Variants in PDE4B observed in about 807,000 individuals in gnomAD.
PDE4B encodes the protein phosphodiesterase 4B.
In PDE4B, 20 loss-of-function variants were observed where a neutral mutation model predicts 82.2. The observed-to-expected ratio is 0.24, with a 90% CI of 0.17 to 0.35. PDE4B has a LOEUF of 0.35. Among genes scored for constraint, PDE4B ranks in the 10% least tolerant of loss-of-function variants. The probability of loss-of-function intolerance (pLI) is 1.00; values close to 1 mark genes in which losing one functional copy is unlikely to be tolerated. For synonymous variants in PDE4B, 320 were observed against 318.9 expected (o/e 1.00, Z -0.04); for missense variants, 655 against 907.2 (o/e 0.72, Z 3.57).
chr1:66,269,014 G>A (rs1477325437), intron 7 of PDE4B, among the ~76,000 whole-genome samples: 1 of 152,194 alleles, frequency 6.6e-6, no homozygotes, highest in Non-Finnish European at 1.5e-5. Flanking sequence ...CACAGTAAGT[G>A]TTGAATTGAC....
chr1:65,985,604 C>G (rs1650914411), intron 3 of PDE4B, among the ~76,000 whole-genome samples: 1 of 152,092 alleles, frequency 6.6e-6, no homozygotes, highest in African/African-American at 2.4e-5. Context: ...TTAATATTAT[C>G]TTTGGGAACT....
intron 3 of PDE4B, among the ~76,000 whole-genome samples, chr1:66,184,969 C>A (rs1207328080): frequency 6.6e-6 from 1 of 152,076 alleles, no homozygotes; most frequent in Non-Finnish European, 1.5e-5. Flanking sequence ...AGGTATATCT[C>A]CTAATGCTAT....
Position 66,374,359 on chromosome 1 carries a change from A to G in PDE4B, c.*1681A>G, listed in dbSNP as rs1214636369. The G allele has an allele frequency of 1.3e-5, 2 of 152,666 alleles. No individual in the cohort carries two copies. The highest frequency in any genetic ancestry group is 4.8e-5 in the African/African-American group (2 of 41,458). 9.5% of individuals were successfully genotyped at this position (152,666 alleles called of 1,614,324 possible). A position where few individuals can be genotyped will look rare whatever the true frequency, so the allele number is the denominator to read the frequency against. On this transcript the variant is annotated 3_prime_UTR_variant, in exon 17 of 17. Transcript: ENST00000341517. ...AGTTTCAGTTTGTAAAATATGTTTCATGCTTTCAGTTCAGCATTGTGACTC... is the reference window on the plus strand; with the variant it reads ...AGTTTCAGTTTGTAAAATATGTTTCGTGCTTTCAGTTCAGCATTGTGACTC...
intron 3 of PDE4B, among the ~76,000 whole-genome samples, chr1:65,966,146 A>AC (rs1195714336): frequency 1.3e-5 from 2 of 152,082 alleles, no homozygotes; most frequent in African/African-American, 4.8e-5. Context: ...TATTTAGAAA[A>AC]CCCCATCATC....
intron 1 of PDE4B, among the ~76,000 whole-genome samples, chr1:65,906,406 A>C (rs11208765): frequency 0.44 from 66,397 of 151,912 alleles, 15,671 homozygotes; most frequent in South Asian, 0.67. Flanking sequence ...GAATACAGGG[A>C]TTTTTTTGTT....
chr1:66,332,259 G>A, intron 7 of PDE4B: 3 of 1,468,562 alleles, frequency 2.0e-6, no homozygotes, highest in Non-Finnish European at 2.7e-6. Context: ...GAAGTTTCTT[G>A]GTAGATCACC....
rs1557705932 is a variant in PDE4B, at chr1:66,332,549, T to A, written c.676T>A (p.Leu226Ile). Residue 226 changes from leucine to isoleucine, a missense_variant, in exon 8 of 17, where the codon TTA becomes ATA. This residue lies in a region of PDE4B where 253 missense variants were observed against 275.6 expected (regional missense o/e 0.92). Transcript: ENST00000341517. ...ATTAGCAATGGAAACGCTGGAGGAA[T>A]TAGACTGGTGTTTAGACCAGCTAGA... ...QKLAMETLEE[L>I]DWCLDQLETI... is the part of the protein sequence containing the mutation. 6.2e-7 allele frequency: 1 copy of A among 1,614,156 alleles called. No homozygotes were observed. Among genetic ancestry groups the A allele is most frequent in the African/African-American group, 1.3e-5 (1 of 75,068 alleles).
rs1655169881 is a variant in PDE4B at position 66,053,910 on chromosome 1, A to G, written c.281+135075A>G. ...AGGAATGGGATGCAGCCTAAGTAGG[A>G]TGACCAACTATCCTGGTTTGCTCAA... On this transcript the variant is annotated intron_variant, in intron 3 of 16. Transcript: ENST00000341517. 5.3e-5 allele frequency among the ~76,000 whole-genome samples: 8 copies of G among 152,266 alleles called. 1 individual carries two copies. In the South Asian group the frequency reaches 1.7e-3, roughly 32 times the overall value.
intron 3 of PDE4B, among the ~76,000 whole-genome samples, chr1:66,056,200 T>C (rs1040601741): frequency 6.6e-6 from 1 of 152,204 alleles, no homozygotes; most frequent in Non-Finnish European, 1.5e-5. Flanking sequence ...AAATGTTTCA[T>C]TTTAATTTCA....
At chr1:66,199,159 A>G (rs997601447) in intron 3 of PDE4B, among the ~76,000 whole-genome samples, 5 of 151,756 alleles carry the variant, frequency 3.3e-5, no homozygotes, top group African/African-American at 1.2e-4. Flanking sequence ...TGGTATTTCT[A>G]GTTCTAGATC....
intron 7 of PDE4B, among the ~76,000 whole-genome samples, chr1:66,296,353 G>A (rs1477900955): frequency 6.6e-6 from 1 of 152,118 alleles, no homozygotes; most frequent in Non-Finnish European, 1.5e-5. Flanking sequence ...GTCTGTTTAC[G>A]ATAAACAAGA....
rs144986707 is a variant in PDE4B at position 66,190,932 on chromosome 1, C to T, written c.282-56528C>T. Reference sequence around the variant, plus strand: ...AATCACCCGTCTTCTGCGTCACTCACGCTGGGAGCTGTAGACTGGAGCTGT... The same window carrying T: ...AATCACCCGTCTTCTGCGTCACTCATGCTGGGAGCTGTAGACTGGAGCTGT... On this transcript the variant is annotated intron_variant, in intron 3 of 16. Transcript: ENST00000341517. Among the ~76,000 whole-genome samples the T allele has an allele frequency of 9.3e-3, 1,414 of 152,236 alleles. 29 individuals carry two copies. Among genetic ancestry groups the T allele is most frequent in the African/African-American group, 0.032 (1,344 of 41,520 alleles).
chr1:66,370,684 C>T (rs1007098363), intron 16 of PDE4B, among the ~76,000 whole-genome samples: 3 of 152,152 alleles, frequency 2.0e-5, no homozygotes, highest in Admixed American at 2.0e-4. Context: ...AAATAACTAG[C>T]AGCTACCTTT....
intron 1 of PDE4B, among the ~76,000 whole-genome samples, chr1:65,875,665 A>T (rs1334220726): frequency 1.3e-5 from 2 of 150,534 alleles, no homozygotes; most frequent in African/African-American, 4.9e-5. Flanking sequence ...CCTGGATGAA[A>T]TTGGAAATCA....
intron 7 of PDE4B, among the ~76,000 whole-genome samples, chr1:66,304,535 T>A (rs1557689762): frequency 6.6e-6 from 1 of 152,130 alleles, no homozygotes; most frequent in Non-Finnish European, 1.5e-5. Flanking sequence ...CTCTTTGTGC[T>A]CAAGTCACAT....
chr1:66,016,038 A>G (rs898604454), intron 3 of PDE4B, among the ~76,000 whole-genome samples: 1 of 152,164 alleles, frequency 6.6e-6, no homozygotes, highest in African/African-American at 2.4e-5. Flanking sequence ...TATGGATTGG[A>G]TAGTTGGATA....
At chr1:66,106,688 T>G (rs1033560436) in intron 3 of PDE4B, among the ~76,000 whole-genome samples, 2 of 152,118 alleles carry the variant, frequency 1.3e-5, no homozygotes, top group African/African-American at 4.8e-5. Context: ...TGTTGAGAAA[T>G]TTATCCATTT....
At position 66,365,616 on chromosome 1, in the gene PDE4B, G is replaced by A. The variant is rs1490403600; in HGVS notation, c.1285-51G>A. On this transcript the variant is annotated intron_variant, in intron 12 of 16. Transcript: ENST00000341517. ...ATACTTTACAAATGAAACTGAATAAGCAGGATAGGCGAATTGGATGTGTAG... is the reference window on the plus strand; with the variant it reads ...ATACTTTACAAATGAAACTGAATAAACAGGATAGGCGAATTGGATGTGTAG... The A allele has an allele frequency of 1.4e-5, 14 of 1,024,768 alleles. No individual in the cohort carries two copies. In the South Asian group the frequency reaches 1.8e-4, roughly 13 times the overall value. The allele number at this position is 1,024,768 out of a possible 1,614,324, so 63.5% of individuals were successfully genotyped here.
intron 9 of PDE4B, among the ~76,000 whole-genome samples, chr1:66,356,059 G>A (rs989862147): frequency 6.6e-6 from 1 of 152,202 alleles, no homozygotes; most frequent in African/African-American, 2.4e-5. Context: ...AGGGGATATG[G>A]TTGAGGAATA....
Sources: allele counts gnomAD v4.1 joint callset (sites outside exome capture counted in the v4.1 genomes callset), GRCh38; gene constraint gnomAD v4.1.1; regional missense constraint gnomAD v4.1.1; transcripts MANE v1.5; gene names NCBI Gene and HGNC (gene_info 2026-07-23, HGNC 2026-07-21).